FOXP1: variants seen among roughly 807,000 people sequenced by gnomAD.
FOXP1 encodes the protein forkhead box protein P1.
FOXP1 carries 15 observed loss-of-function variants against 98.2 expected under a neutral mutation model. The observed-to-expected ratio is 0.15, with a 90% CI of 0.10 to 0.24. FOXP1 has a LOEUF of 0.24. Ranked by LOEUF, FOXP1 falls within the 10% of genes least tolerant of loss-of-function variation. FOXP1 has a pLI of 1.00. For synonymous variants in FOXP1, 371 were observed against 314.5 expected (o/e 1.18, Z -1.90); for missense variants, 633 against 848.5 (o/e 0.75, Z 3.15).
At chr3:71,409,049 C>T (rs544359134) in intron 3 of FOXP1, among the ~76,000 whole-genome samples, 4 of 152,320 alleles carry the variant, frequency 2.6e-5, no homozygotes, top group South Asian at 2.1e-4. Flanking sequence ...TGCAGACTAA[C>T]GTGCACAGCA....
intron 6 of FOXP1, among the ~76,000 whole-genome samples, chr3:71,132,598 C>A (rs536322107): frequency 1.3e-5 from 2 of 152,146 alleles, no homozygotes; most frequent in Admixed American, 6.5e-5. Flanking sequence ...ATTTAGCCTG[C>A]GGTTATTCCT....
chr3:71,545,143 C>T (rs992753594), intron 2 of FOXP1, among the ~76,000 whole-genome samples: 4 of 151,772 alleles, frequency 2.6e-5, no homozygotes, highest in Non-Finnish European at 4.4e-5. Flanking sequence ...TGTACATGCG[C>T]GCATATGCTC....
intron 7 of FOXP1, among the ~76,000 whole-genome samples, chr3:71,081,322 T>C (rs898485474): frequency 6.6e-6 from 1 of 152,170 alleles, no homozygotes; most frequent in South Asian, 2.1e-4. Context: ...GCCATTATCC[T>C]GGTCATCCGA....
intron 3 of FOXP1, among the ~76,000 whole-genome samples, chr3:71,374,856 G>A (rs1288704): frequency 0.94 from 143,850 of 152,262 alleles, 68,426 homozygotes; most frequent in Non-Finnish European, 1. Context: ...AGGCAATGGT[G>A]TGAAAGTTGG....
intron 6 of FOXP1, among the ~76,000 whole-genome samples, chr3:71,138,451 A>T (rs1465692194): frequency 1.3e-5 from 2 of 152,030 alleles, no homozygotes; most frequent in Non-Finnish European, 2.9e-5. Context: ...AAAATACATT[A>T]AAAAAAATAA....
chr3:70,966,102 G>C, intron 19 of FOXP1, 46 bp from the exon 20 acceptor site: 1 of 1,538,500 alleles, frequency 6.5e-7, no homozygotes, highest in East Asian at 2.2e-5. Flanking sequence ...GGGTATGTAA[G>C]ACAAGGAAAC....
intron 3 of FOXP1, among the ~76,000 whole-genome samples, chr3:71,395,705 G>T (rs1184236725): frequency 1.3e-5 from 2 of 152,076 alleles, no homozygotes; most frequent in African/African-American, 4.8e-5. Flanking sequence ...TATATTCCCA[G>T]TACGTACAAC....
chr3:71,582,819 G>C, intron 1 of FOXP1: 1 of 984,100 alleles, frequency 1.0e-6, no homozygotes, highest in African/African-American at 1.7e-5. Context: ...GGGCTCCGAG[G>C]GGGTGGCGGG....
At chr3:71,522,751 C>T (rs1460039525) in intron 2 of FOXP1, among the ~76,000 whole-genome samples, 2 of 152,148 alleles carry the variant, frequency 1.3e-5, no homozygotes, top group African/African-American at 4.8e-5. Flanking sequence ...GGCCCACCTA[C>T]TGCACATCTG....
chr3:71,191,227 C>T (rs1197190236), intron 6 of FOXP1, among the ~76,000 whole-genome samples: 1 of 152,172 alleles, frequency 6.6e-6, no homozygotes, highest in African/African-American at 2.4e-5. Context: ...GCAGATAGGA[C>T]CTGCCAGTTC....
intron 2 of FOXP1, among the ~76,000 whole-genome samples, chr3:71,505,111 C>T (rs1032594246): frequency 3.3e-5 from 5 of 152,164 alleles, no homozygotes; most frequent in Non-Finnish European, 7.3e-5. Flanking sequence ...TACCATTTTT[C>T]CAACAGCTCA....
intron 3 of FOXP1, among the ~76,000 whole-genome samples, chr3:71,457,741 TG>T (rs767404100): frequency 2.6e-5 from 4 of 152,238 alleles, no homozygotes; most frequent in Non-Finnish European, 5.9e-5. Flanking sequence ...GCAGTTGCTC[TG>T]ACATGCACAA....
chr3:71,107,535 T>C (rs1260593648), intron 7 of FOXP1, among the ~76,000 whole-genome samples: 1 of 152,164 alleles, frequency 6.6e-6, no homozygotes, highest in Admixed American at 6.5e-5. Flanking sequence ...CTTAAAGATA[T>C]CAAAATTTCA....
intron 6 of FOXP1, among the ~76,000 whole-genome samples, chr3:71,119,105 T>G (rs1419752764): frequency 6.6e-6 from 1 of 152,246 alleles, no homozygotes; most frequent in African/African-American, 2.4e-5. Flanking sequence ...AGAACATTAT[T>G]AATTAGCTGT....
At chr3:71,362,448 G>A (rs2078636676) in intron 3 of FOXP1, among the ~76,000 whole-genome samples, 1 of 152,112 alleles carries the variant, frequency 6.6e-6, no homozygotes, top group African/African-American at 2.4e-5. Context: ...CAGGATTATA[G>A]GCGTGAGCCA....
chr3:71,454,253 AC>A (rs1437689561), intron 3 of FOXP1, among the ~76,000 whole-genome samples: 1 of 152,220 alleles, frequency 6.6e-6, no homozygotes, highest in Non-Finnish European at 1.5e-5. Flanking sequence ...CTATACTCCT[AC>A]AGCGTGATCA....
At chr3:71,003,264 C>T (rs373626242) in intron 12 of FOXP1, among the ~76,000 whole-genome samples, 3 of 152,180 alleles carry the variant, frequency 2.0e-5, no homozygotes, top group Admixed American at 6.5e-5. Context: ...GATAATGAAA[C>T]GCAGTGAGAG....
At chr3:70,988,499 C>T (rs2040116281) in intron 13 of FOXP1, among the ~76,000 whole-genome samples, 1 of 152,208 alleles carries the variant, frequency 6.6e-6, no homozygotes, top group Non-Finnish European at 1.5e-5. Flanking sequence ...AAATTAGCTT[C>T]ATCTTTCTTA....
intron 19 of FOXP1, among the ~76,000 whole-genome samples, chr3:70,966,822 AAAG>A (rs1342141042): frequency 2.6e-5 from 4 of 152,220 alleles, no homozygotes; most frequent in African/African-American, 9.6e-5. Context: ...AGGAAATGAA[AAAG>A]AAGAAATCCT....
Sources: gnomAD v4.1 joint callset for allele counts (sites outside exome capture counted in the v4.1 genomes callset) on GRCh38, gnomAD v4.1.1 for gene constraint, MANE v1.5 for transcripts, NCBI Gene and HGNC (gene_info 2026-07-23, HGNC 2026-07-21) for gene names.